Variants in ABL2 observed in about 807,000 individuals in gnomAD.
The protein encoded by ABL2 is ABL proto-oncogene 2, non-receptor tyrosine kinase.
In ABL2, 49 loss-of-function variants were observed where a neutral mutation model predicts 107.7. That is an observed-to-expected ratio of 0.45 (90% CI 0.36 to 0.58). ABL2 has a LOEUF of 0.58. ABL2 is among the 20% of genes least tolerant of loss of function. The probability of loss-of-function intolerance (pLI) is 0.00; values close to 1 mark genes in which losing one functional copy is unlikely to be tolerated. For missense variants in ABL2, 1,245 were observed against 1,457.0 expected (o/e 0.85, Z 2.37); for synonymous variants, 549 against 548.6 (o/e 1.00, Z -0.01).
intron 1 of ABL2, among the ~76,000 whole-genome samples, chr1:179,215,503 G>A (rs989934414): frequency 2.6e-5 from 4 of 152,164 alleles, no homozygotes; most frequent in Admixed American, 2.6e-4. Context: ...GGAGGCAAAG[G>A]TGGGTGGATC....
At chr1:179,215,588 G>T (rs149555685) in intron 1 of ABL2, among the ~76,000 whole-genome samples, 11 of 151,988 alleles carry the variant, frequency 7.2e-5, no homozygotes, top group Non-Finnish European at 1.5e-4. Flanking sequence ...TCAGCTGGGC[G>T]TGGTGGCACA....
intron 1 of ABL2, among the ~76,000 whole-genome samples, chr1:179,180,448 C>G (rs1020649645): frequency 2.6e-5 from 4 of 152,156 alleles, no homozygotes; most frequent in African/African-American, 9.7e-5. Flanking sequence ...GCTGATATGT[C>G]CCATGTTTCA....
chr1:179,171,292 C>T (rs1305842947), intron 1 of ABL2, among the ~76,000 whole-genome samples: 1 of 152,128 alleles, frequency 6.6e-6, no homozygotes, highest in Admixed American at 6.5e-5. Flanking sequence ...TAGGATTTTA[C>T]TGTTAGCTAG....
Position 179,108,950 on chromosome 1 carries a change from C to T in ABL2, c.2317G>A (p.Asp773Asn). The change falls in exon 12 of 12, where the codon GAC becomes AAC. Residue 773 changes from aspartate to asparagine, a missense_variant. By Grantham distance (23) the Asp-to-Asn change is conservative (BLOSUM62 1). Transcript: ENST00000502732. ...GACCTTGGAAAAGGCTTGGAAGTGT[C>T]ATCACTGGCTGTGGGTTTACCTGCT... ...LRAGKPTASDDTSKPFPRSNS... is the reference protein window; with the variant it reads ...LRAGKPTASDNTSKPFPRSNS... 2 of 1,614,126 alleles carry T rather than the reference C, an allele frequency of 1.2e-6. No homozygotes were observed. The highest frequency in any genetic ancestry group is 1.7e-6 in the Non-Finnish European group (2 of 1,180,034).
At chr1:179,168,537 T>A (rs559813285) in intron 1 of ABL2, among the ~76,000 whole-genome samples, 10 of 152,232 alleles carry the variant, frequency 6.6e-5, no homozygotes, top group Admixed American at 4.6e-4. Context: ...TAGCACTTTT[T>A]AAAACTTGTA....
chr1:179,149,934 T>G (rs1246807965), intron 1 of ABL2, among the ~76,000 whole-genome samples: 1 of 152,144 alleles, frequency 6.6e-6, no homozygotes, highest in African/African-American at 2.4e-5. Flanking sequence ...TCTCATTACT[T>G]AGGAAAAACA....
intron 1 of ABL2, among the ~76,000 whole-genome samples, chr1:179,222,537 C>T (rs1414752389): frequency 5.3e-5 from 8 of 151,986 alleles, no homozygotes; most frequent in Admixed American, 4.6e-4. Flanking sequence ...ATTATAGGTG[C>T]GCGCCACCAT....
chr1:179,119,623 AC>A (rs1306070271), intron 6 of ABL2, among the ~76,000 whole-genome samples: 2 of 151,764 alleles, frequency 1.3e-5, no homozygotes, highest in African/African-American at 4.8e-5. Flanking sequence ...GTTCTTTGTG[AC>A]CTGAACAGTG....
chr1:179,108,467 G>A lies in ABL2; in HGVS notation c.2800C>T (p.Leu934Phe). The A allele has an allele frequency of 6.2e-7, 1 of 1,614,248 alleles. No individual in the cohort carries two copies. Among genetic ancestry groups the A allele is most frequent in the Non-Finnish European group, 8.5e-7 (1 of 1,180,048 alleles). Residue 934 changes from leucine (L) to phenylalanine (F), a missense_variant, in exon 12 of 12, where the codon CTT becomes TTT. Coordinates refer to ENST00000502732, the MANE Select transcript of ABL2 (RefSeq NM_007314.4). ...GTGTGTTTCAGAGTGGGTGAGATAA[G>A]GACTGGCACTTTGTGGTTGTGAGTG... The part of the protein sequence containing the change: ...PTTHNHKVPV[L>F]ISPTLKHTPA...
At chr1:179,185,985 C>T (rs529449886) in intron 1 of ABL2, among the ~76,000 whole-genome samples, 2 of 152,188 alleles carry the variant, frequency 1.3e-5, no homozygotes, top group South Asian at 2.1e-4. Flanking sequence ...GTGGCTCACC[C>T]TGTAATCCCA....
intron 1 of ABL2, among the ~76,000 whole-genome samples, chr1:179,223,474 C>A (rs191138932): frequency 6.6e-6 from 1 of 151,552 alleles, no homozygotes; most frequent in African/African-American, 2.4e-5. Context: ...GGCTGAAGAC[C>A]CTTACAGAGA....
intron 4 of ABL2, among the ~76,000 whole-genome samples, chr1:179,122,646 T>C (rs896003835): frequency 2.6e-5 from 4 of 151,866 alleles, no homozygotes; most frequent in Non-Finnish European, 4.4e-5. Flanking sequence ...CAAATATATA[T>C]TTCTTTTTCT....
chr1:179,138,876 G>A (rs867620337), intron 1 of ABL2, among the ~76,000 whole-genome samples: 20 of 152,360 alleles, frequency 1.3e-4, no homozygotes, highest in Non-Finnish European at 1.8e-4. Flanking sequence ...TGCCTGCCGC[G>A]CTTGCGGGCC....
intron 4 of ABL2, among the ~76,000 whole-genome samples, chr1:179,122,321 C>T (rs1025037955): frequency 6.7e-6 from 1 of 149,744 alleles, no homozygotes; most frequent in African/African-American, 2.5e-5. Flanking sequence ...CAGGGTCTCA[C>T]TATTGCCCAG....
rs12072619 is a variant in ABL2, at chr1:179,105,661, C to A, written c.*2057G>T. 1 of 226,714 alleles carries A rather than the reference C, an allele frequency of 4.4e-6. No individual in the cohort carries two copies. The highest frequency in any genetic ancestry group is 8.8e-6 in the Non-Finnish European group (1 of 113,992). The allele number at this position is 226,714 out of a possible 1,614,324, so 14.0% of individuals were successfully genotyped here. A position where few individuals can be genotyped will look rare whatever the true frequency, so the allele number is the denominator to read the frequency against. On this transcript the variant is annotated 3_prime_UTR_variant, in exon 12 of 12. Coordinates refer to ENST00000502732, the MANE Select transcript of ABL2 (RefSeq NM_007314.4). ...CACCTGCCAGGAATGCCCAGCACCG[C>A]GTGTCTCCTCTAATCCTCTTAACCT...
At chr1:179,194,914 A>C (rs1661217169) in intron 1 of ABL2, among the ~76,000 whole-genome samples, 1 of 152,218 alleles carries the variant, frequency 6.6e-6, no homozygotes, top group Admixed American at 6.5e-5. Flanking sequence ...AAATTTCTCG[A>C]AAACAGATAC....
Position 179,229,288 on chromosome 1 carries a change from G to A in ABL2, c.110C>T (p.Pro37Leu), listed in dbSNP as rs1333357319. The A allele has an allele frequency of 6.4e-7, 1 of 1,571,628 alleles. No individual in the cohort carries two copies. Among genetic ancestry groups the A allele is most frequent in the South Asian group, 1.2e-5 (1 of 86,774 alleles). ...AARPSGRRRD[P>L]AGRTTETGFN... ...GCCGGTCTCTGTGGTGCGCCCCGCC[G>A]GGTCCCGCCTGCGGCCGGAGGGCCT... Residue 37 changes from proline to leucine, a missense_variant, in exon 1 of 12, where the codon CCG (proline) becomes CTG (leucine). Pro to Leu is a moderately conservative substitution (Grantham distance 98). Transcript: ENST00000502732.
At chr1:179,147,006 G>A (rs1019968886) in intron 1 of ABL2, among the ~76,000 whole-genome samples, 1 of 151,566 alleles carries the variant, frequency 6.6e-6, no homozygotes, top group Non-Finnish European at 1.5e-5. Context: ...AGGCTGTAGT[G>A]AGCCAAGATC....
rs1254064131 is a variant in ABL2 at position 179,108,473 on chromosome 1, G to A, written c.2794C>T (p.Pro932Ser). 32 of 1,614,108 alleles carry A rather than the reference G, an allele frequency of 2.0e-5. No individual in the cohort carries two copies. Among genetic ancestry groups the A allele is most frequent in the Non-Finnish European group, 2.7e-5 (32 of 1,180,048 alleles). ...TTCAGAGTGGGTGAGATAAGGACTG[G>A]CACTTTGTGGTTGTGAGTGGTTGGG... is the stretch of plus-strand genomic sequence containing the variant. The part of the protein sequence containing the change: ...VLPTTHNHKV[P>S]VLISPTLKHT... The change falls in exon 12 of 12, where the codon CCA (proline) becomes TCA (serine). Residue 932 changes from proline (P) to serine (S), a missense_variant. Pro to Ser is a moderately conservative substitution (Grantham distance 74). Around this residue, in one of 3 missense-constraint regions of ABL2, gnomAD observed 761 missense variants for 766.4 expected, o/e 0.99. Coordinates refer to ENST00000502732, the MANE Select transcript of ABL2 (RefSeq NM_007314.4).
Sources: gnomAD v4.1 joint callset for allele counts (sites outside exome capture counted in the v4.1 genomes callset) on GRCh38, gnomAD v4.1.1 for gene constraint, gnomAD v4.1.1 regional missense constraint, MANE v1.5 for transcripts, NCBI Gene and HGNC (gene_info 2026-07-23, HGNC 2026-07-21) for gene names.